DLGAP2: variants seen among roughly 807,000 people sequenced by gnomAD.
DLGAP2 encodes the protein disks large-associated protein 2.
Under a neutral mutation model 100.3 loss-of-function variants are expected in DLGAP2, and 26 were observed. The ratio of observed to expected loss-of-function variants is 0.26; its 90% CI spans 0.19 to 0.36. The LOEUF is 0.36. Ranked by LOEUF, DLGAP2 falls within the 10% of genes least tolerant of loss-of-function variation. The pLI is 1.00. For missense variants in DLGAP2, 1,858 were observed against 1,453.2 expected (o/e 1.28, Z -4.53); for synonymous variants, 886 against 630.1 (o/e 1.41, Z -6.08).
intron 3 of DLGAP2, among the ~76,000 whole-genome samples, chr8:1,326,584 C>T (rs912551862): frequency 4.6e-5 from 7 of 151,940 alleles, no homozygotes; most frequent in Non-Finnish European, 8.8e-5. Context: ...GGGCTTGTCA[C>T]TCAGGACACG....
At chr8:1,462,544 G>A (rs1798489060) in intron 3 of DLGAP2, among the ~76,000 whole-genome samples, 1 of 151,576 alleles carries the variant, frequency 6.6e-6, no homozygotes, top group Non-Finnish European at 1.5e-5. Context: ...GCCAGGAGGA[G>A]GGAGAAGGGC....
intron 1 of DLGAP2, among the ~76,000 whole-genome samples, chr8:753,062 C>G (rs1820832500): frequency 6.6e-6 from 1 of 152,206 alleles, no homozygotes; most frequent in Non-Finnish European, 1.5e-5. Flanking sequence ...GTATTTGGGG[C>G]AAGTGTTACC....
At chr8:1,358,968 G>A (rs1012552109) in intron 3 of DLGAP2, among the ~76,000 whole-genome samples, 6 of 152,188 alleles carry the variant, frequency 3.9e-5, no homozygotes, top group East Asian at 1.9e-4. Context: ...CTGGGCCAGC[G>A]GGTCTGAAAC....
intron 1 of DLGAP2, among the ~76,000 whole-genome samples, chr8:751,981 G>A (rs1018994152): frequency 2.6e-5 from 4 of 152,096 alleles, no homozygotes; most frequent in Non-Finnish European, 5.9e-5. Context: ...CTTTTTTCAG[G>A]CCCATTTTTT....
intron 1 of DLGAP2, among the ~76,000 whole-genome samples, chr8:811,678 C>T (rs531576482): frequency 4.0e-5 from 6 of 149,068 alleles, no homozygotes; most frequent in East Asian, 4.1e-4. Context: ...GGGCTCCTGC[C>T]GTGGTGAGAG....
chr8:1,368,791 AT>A (rs1307278318), intron 3 of DLGAP2: 6 of 152,214 alleles, frequency 3.9e-5, no homozygotes, highest in Non-Finnish European at 8.8e-5. Context: ...CTGGCTTGAA[AT>A]CCAAGGCATC....
At chr8:1,542,082 C>CA (rs933620723) in intron 4 of DLGAP2, among the ~76,000 whole-genome samples, 3 of 152,112 alleles carry the variant, frequency 2.0e-5, no homozygotes, top group African/African-American at 7.2e-5. Flanking sequence ...GATTTAGAAG[C>CA]AAAAAATAAA....
At chr8:1,417,304 C>G (rs13248656) in intron 3 of DLGAP2, among the ~76,000 whole-genome samples, 2 of 152,174 alleles carry the variant, frequency 1.3e-5, no homozygotes, top group Middle Eastern at 3.2e-3. Flanking sequence ...CATTTAGCGT[C>G]TGCGGGGTGC....
At chr8:1,660,952 T>G (rs145994973) in intron 8 of DLGAP2, among the ~76,000 whole-genome samples, 15 of 152,294 alleles carry the variant, frequency 9.8e-5, no homozygotes, top group African/African-American at 3.4e-4. Flanking sequence ...ACCGCAACTT[T>G]CAGCAACAAG....
At chr8:1,245,809 C>T (rs1183233647) in intron 2 of DLGAP2, among the ~76,000 whole-genome samples, 2 of 152,090 alleles carry the variant, frequency 1.3e-5, no homozygotes, top group African/African-American at 4.8e-5. Flanking sequence ...AAAAAAAGGG[C>T]AGAGGCAGAC....
intron 1 of DLGAP2, among the ~76,000 whole-genome samples, chr8:788,131 G>T (rs1027321809): frequency 1.3e-5 from 2 of 152,242 alleles, no homozygotes; most frequent in Non-Finnish European, 2.9e-5. Flanking sequence ...TGACAAGCAT[G>T]CTGTTTGGTG....
intron 2 of DLGAP2, among the ~76,000 whole-genome samples, chr8:1,193,337 G>T (rs1041402559): frequency 6.6e-6 from 1 of 152,128 alleles, no homozygotes; most frequent in African/African-American, 2.4e-5. Flanking sequence ...AGCACCTGTT[G>T]TTTCCTGGCT....
At chr8:1,585,910 T>C (rs1796103953) in intron 6 of DLGAP2, among the ~76,000 whole-genome samples, 1 of 152,246 alleles carries the variant, frequency 6.6e-6, no homozygotes, top group South Asian at 2.1e-4. Flanking sequence ...CCCATGACTT[T>C]ATCCTGTCCG....
At chr8:1,185,716 C>T (rs1797485925) in intron 2 of DLGAP2, among the ~76,000 whole-genome samples, 1 of 87,648 alleles carries the variant, frequency 1.1e-5, no homozygotes, top group African/African-American at 6.9e-5. Flanking sequence ...CACTCACACA[C>T]ACACACACAC....
At chr8:1,307,403 C>T (rs1202879382) in intron 3 of DLGAP2, among the ~76,000 whole-genome samples, 1 of 152,114 alleles carries the variant, frequency 6.6e-6, no homozygotes, top group Non-Finnish European at 1.5e-5. Context: ...AAGTTAGAAA[C>T]CTTGTGCATT....
At chr8:859,270 C>A (rs963080857) in intron 1 of DLGAP2, among the ~76,000 whole-genome samples, 1 of 152,110 alleles carries the variant, frequency 6.6e-6, no homozygotes, top group East Asian at 1.9e-4. Context: ...CGCCACGAAG[C>A]CTGGCTAATT....
intron 2 of DLGAP2, among the ~76,000 whole-genome samples, chr8:975,133 G>GA (rs1800130790): frequency 1.3e-5 from 2 of 152,158 alleles, no homozygotes; most frequent in Non-Finnish European, 2.9e-5. Context: ...CCAAGAATTT[G>GA]ATAACCTGCA....
At chr8:1,171,192 T>C (rs1797120799) in intron 2 of DLGAP2, among the ~76,000 whole-genome samples, 1 of 152,218 alleles carries the variant, frequency 6.6e-6, no homozygotes, top group Admixed American at 6.5e-5. Context: ...TTGAGCGGTT[T>C]TGAGTGAGTT....
At chr8:936,327 A>G (rs1799070502) in intron 2 of DLGAP2, among the ~76,000 whole-genome samples, 1 of 152,200 alleles carries the variant, frequency 6.6e-6, no homozygotes, top group Admixed American at 6.5e-5. Flanking sequence ...TGGAAAAAGC[A>G]AAGTGCAGGA....
Sources: gnomAD v4.1 joint callset for allele counts (sites outside exome capture counted in the v4.1 genomes callset) on GRCh38, gnomAD v4.1.1 for gene constraint, MANE v1.5 for transcripts, NCBI Gene and HGNC (gene_info 2026-07-23, HGNC 2026-07-21) for gene names.